Variants in LIMS1 observed in about 807,000 individuals in gnomAD.
The protein encoded by LIMS1 is LIM and senescent cell antigen-like-containing domain protein 1.
LIMS1 carries 18 observed loss-of-function variants against 44.1 expected under a neutral mutation model. That is an observed-to-expected ratio of 0.41 (90% CI 0.28 to 0.61). The LOEUF is 0.61. Ranked by LOEUF, LIMS1 falls within the 20% of genes least tolerant of loss-of-function variation. The pLI, the probability that LIMS1 is intolerant of heterozygous loss-of-function variation, is 0.32. For missense variants in LIMS1, 201 were observed against 422.0 expected (o/e 0.48, Z 4.59); for synonymous variants, 93 against 149.1 (o/e 0.62, Z 2.74).
At chr2:108,665,683 C>T (rs1160625687) in intron 2 of LIMS1, among the ~76,000 whole-genome samples, 2 of 151,908 alleles carry the variant, frequency 1.3e-5, no homozygotes, top group Non-Finnish European at 2.9e-5. Flanking sequence ...CATGCCACCA[C>T]GTCTGGCTAA....
At chr2:108,672,223 T>C (rs1302993077) in intron 3 of LIMS1, 102 bp from the exon 4 acceptor site, 9 of 1,205,850 alleles carry the variant, frequency 7.5e-6, no homozygotes, top group Non-Finnish European at 1.0e-5. Flanking sequence ...ACGGTTTTTT[T>C]CCTCATTGTT....
intron 1 of LIMS1, among the ~76,000 whole-genome samples, chr2:108,569,764 C>CTTTTTTTTTTTTTT (rs10596766): frequency 8.8e-5 from 10 of 113,126 alleles, no homozygotes; most frequent in African/African-American, 2.1e-4. Context: ...CCATATCTGG[C>CTTTTTTTTTTTTTT]TTTTTTTTTT....
intron 1 of LIMS1, among the ~76,000 whole-genome samples, chr2:108,584,610 G>A (rs1686019617): frequency 6.6e-6 from 1 of 152,110 alleles, no homozygotes. Context: ...CGGAGTAAAT[G>A]AGAATGTATA....
At chr2:108,621,226 G>A in intron 1 of LIMS1, 10 of 1,474,074 alleles carry the variant, frequency 6.8e-6, no homozygotes, top group Non-Finnish European at 9.0e-6. Context: ...AGCTTGGTCT[G>A]CCTGGAGGTT....
At chr2:108,642,014 T>C (rs993528129) in intron 1 of LIMS1, among the ~76,000 whole-genome samples, 2 of 152,210 alleles carry the variant, frequency 1.3e-5, no homozygotes, top group Non-Finnish European at 2.9e-5. Flanking sequence ...ACAGTTCATT[T>C]TGGCATATGA....
chr2:108,536,026 G>T (rs1684125288), intron 1 of LIMS1, among the ~76,000 whole-genome samples: 1 of 152,110 alleles, frequency 6.6e-6, no homozygotes. Context: ...TTAAAAAAAA[G>T]TATTGACTAG....
chr2:108,632,462 AG>A (rs1409707108), intron 1 of LIMS1, among the ~76,000 whole-genome samples: 1 of 152,210 alleles, frequency 6.6e-6, no homozygotes, highest in African/African-American at 2.4e-5. Context: ...AGGTGTCTCA[AG>A]GTCAGGCAAC....
At chr2:108,670,999 C>T (rs2433824) in intron 3 of LIMS1, 152 bp downstream of exon 3, 10 of 1,085,068 alleles carry the variant, frequency 9.2e-6, no homozygotes, top group Non-Finnish European at 1.2e-5. Flanking sequence ...AGGGAAACCC[C>T]GTCTCTACTA....
Position 108,676,048 on chromosome 2 carries a change from G to C in LIMS1, c.681+20G>C. 11 of 1,601,782 alleles carry C rather than the reference G, an allele frequency of 6.9e-6. No homozygotes were observed. Among genetic ancestry groups the C allele is most frequent in the Non-Finnish European group, 9.4e-6 (11 of 1,172,964 alleles). ...GTGGAGGTGAGTTCTAAATGGCAAA[G>C]GGTAACCAATCCTTTCAAATCTCCA... On this transcript the variant is annotated intron_variant, in intron 6 of 9. Transcript: ENST00000544547.
At chr2:108,645,081 A>G (rs532467800) in intron 1 of LIMS1, among the ~76,000 whole-genome samples, 2 of 152,318 alleles carry the variant, frequency 1.3e-5, no homozygotes, top group African/African-American at 4.8e-5. Context: ...ATTCCTCAGG[A>G]TATTATCTAG....
At chr2:108,577,933 C>T (rs534535622) in intron 1 of LIMS1, among the ~76,000 whole-genome samples, 2 of 152,230 alleles carry the variant, frequency 1.3e-5, no homozygotes, top group African/African-American at 4.8e-5. Context: ...GAGACGGAGT[C>T]TTGTCTTGTT....
At chr2:108,649,624 A>G (rs1339640309) in intron 1 of LIMS1, among the ~76,000 whole-genome samples, 6 of 152,216 alleles carry the variant, frequency 3.9e-5, no homozygotes, top group Admixed American at 2.0e-4. Context: ...TATATACACC[A>G]TAGGATATTA....
At chr2:108,596,388 G>T (rs767522264) in intron 1 of LIMS1, among the ~76,000 whole-genome samples, 20 of 152,184 alleles carry the variant, frequency 1.3e-4, no homozygotes, top group Non-Finnish European at 2.4e-4. Flanking sequence ...TGTTATATAT[G>T]ATAACATTTT....
At chr2:108,587,293 TGTGTGTGTGTGTGTG>T (rs1686153618) in intron 1 of LIMS1, among the ~76,000 whole-genome samples, 18 of 90,182 alleles carry the variant, frequency 2.0e-4, no homozygotes, top group Admixed American at 2.6e-4. Flanking sequence ...TTGGGGTTTG[TGTGTGTGTGTGTGTG>T]TGTGTGTGTG....
At chr2:108,642,922 C>T (rs1689804401) in intron 1 of LIMS1, among the ~76,000 whole-genome samples, 1 of 152,208 alleles carries the variant, frequency 6.6e-6, no homozygotes, top group Non-Finnish European at 1.5e-5. Context: ...CTTTGCATCA[C>T]TGTGCAGTGA....
At position 108,573,537 on chromosome 2, in the gene LIMS1, C is replaced by T. The variant is rs919987201; in HGVS notation, c.32+38943C>T. ...TGCAAAGTAAGTGGTATTAGCCCCA[C>T]TGCAGGGATGAATTACCTCACTTGT... On this transcript the variant is annotated intron_variant, in intron 1 of 9. Transcript: ENST00000544547. 2.3e-4 allele frequency among the ~76,000 whole-genome samples: 35 copies of T among 152,304 alleles called. 1 individual carries two copies. The highest frequency in any genetic ancestry group is 7.9e-4 in the African/African-American group (33 of 41,580).
At chr2:108,648,031 A>C (rs557795043) in intron 1 of LIMS1, among the ~76,000 whole-genome samples, 113 of 152,278 alleles carry the variant, frequency 7.4e-4, no homozygotes, top group African/African-American at 2.6e-3. Flanking sequence ...AATTGTCTCT[A>C]TTTGCAGATG....
chr2:108,554,341 A>G (rs1419581172), intron 1 of LIMS1, among the ~76,000 whole-genome samples: 7 of 152,114 alleles, frequency 4.6e-5, no homozygotes, highest in African/African-American at 1.7e-4. Context: ...CCATGGCTCC[A>G]CTTCATCCCA....
chr2:108,620,812 G>A (rs1017094343), intron 1 of LIMS1, among the ~76,000 whole-genome samples: 1 of 152,112 alleles, frequency 6.6e-6, no homozygotes, highest in Non-Finnish European at 1.5e-5. Flanking sequence ...GTGGTAAGGG[G>A]GAGGAATTGG....
Sources: gnomAD v4.1 joint callset for allele counts (sites outside exome capture counted in the v4.1 genomes callset) on GRCh38, gnomAD v4.1.1 for gene constraint, MANE v1.5 for transcripts, NCBI Gene and HGNC (gene_info 2026-07-23, HGNC 2026-07-21) for gene names.